Variants in LSM14B observed in about 807,000 individuals in gnomAD.
LSM14B encodes LSM family member 14B.
In LSM14B, 8 loss-of-function variants were observed where a neutral mutation model predicts 42.1. The observed-to-expected ratio is 0.19, with a 90% CI of 0.11 to 0.34. The LOEUF (loss-of-function observed/expected upper bound fraction) is 0.34. Among genes scored for constraint, LSM14B ranks in the 10% least tolerant of loss-of-function variants. LSM14B has a pLI of 1.00. For missense variants in LSM14B, 396 were observed against 513.1 expected (o/e 0.77, Z 2.21); for synonymous variants, 219 against 209.7 (o/e 1.04, Z -0.38).
chr20:62,133,958 G>T (rs1262552720), intron 8 of LSM14B, among the ~76,000 whole-genome samples: 1 of 152,226 alleles, frequency 6.6e-6, no homozygotes, highest in African/African-American at 2.4e-5. Context: ...GTGGGCCCTG[G>T]AAAGACTAGC....
At position 62,134,837 on chromosome 20, in the gene LSM14B, TG is replaced by T. The variant is rs2056862522; in HGVS notation, c.*690del. The T allele has an allele frequency of 6.5e-6, 1 of 154,578 alleles. No individual in the cohort carries two copies. Among genetic ancestry groups the T allele is most frequent in the Non-Finnish European group, 1.4e-5 (1 of 69,710 alleles). The allele number at this position is 154,578 out of a possible 1,614,324, so 9.6% of individuals were successfully genotyped here. ...CCCTGGACGCTAGCCACGGAGCTGCTGCACAGAGCCTGGTGTCCACAAGCTT... is the reference window on the plus strand; with the variant it reads ...CCCTGGACGCTAGCCACGGAGCTGCTCACAGAGCCTGGTGTCCACAAGCTT... On this transcript the variant is annotated 3_prime_UTR_variant, in exon 9 of 9. Coordinates refer to ENST00000279068, the MANE Select transcript of LSM14B (RefSeq NM_144703.3).
In LSM14B at chr20:62,130,441, T is replaced by TG; in HGVS notation, c.674-84dup. The TG allele has an allele frequency of 6.4e-6, 10 of 1,553,202 alleles. No individual in the cohort carries two copies. Among genetic ancestry groups the TG allele is most frequent in the Non-Finnish European group, 8.7e-6 (10 of 1,144,976 alleles). On this transcript the variant is annotated intron_variant, in intron 5 of 8. Coordinates refer to ENST00000279068, the MANE Select transcript of LSM14B (RefSeq NM_144703.3). The surrounding 1 kb of genome is among the most constrained non-coding windows in gnomAD (Gnocchi z 4.1). The stretch of plus-strand genomic sequence containing the variant: ...GTGTGCTCTGTTCCTTCTGTGGCCT[T>TG]GGGGGTGTGCCTGGAAATTCCTTGT...
At position 62,122,965 on chromosome 20, in the gene LSM14B, C is replaced by T. The variant is rs994300417; in HGVS notation, c.127+172C>T. 1.1e-4 allele frequency among the ~76,000 whole-genome samples: 16 copies of T among 151,888 alleles called. No homozygotes were observed. Among genetic ancestry groups the T allele is most frequent in the Non-Finnish European group, 1.8e-4 (12 of 67,904 alleles). On this transcript the variant is annotated intron_variant, in intron 1 of 8. Coordinates refer to ENST00000279068, the MANE Select transcript of LSM14B (RefSeq NM_144703.3). The surrounding 1 kb of genome is among the most constrained non-coding windows in gnomAD (Gnocchi z 4.6). Reference sequence around the variant, plus strand: ...CTGCCCGCGCCTTCACCCCGGACGCCCCCGAGGCGCCCCCTTCCCGCGCGC... The same window carrying T: ...CTGCCCGCGCCTTCACCCCGGACGCTCCCGAGGCGCCCCCTTCCCGCGCGC...
At chr20:62,126,978 C>G (rs1444766106) in intron 3 of LSM14B, among the ~76,000 whole-genome samples, 2 of 152,088 alleles carry the variant, frequency 1.3e-5, no homozygotes, top group African/African-American at 4.8e-5. Context: ...GCCTGAGCGG[C>G]ACAGTGAGAC....
intron 3 of LSM14B, chr20:62,129,135 C>T: frequency 1.9e-6 from 1 of 531,948 alleles, no homozygotes; most frequent in South Asian, 1.9e-5. Flanking sequence ...GGCATAGCCC[C>T]TTGCCAAAGG....
chr20:62,124,262 T>A (rs1052879011), intron 1 of LSM14B, among the ~76,000 whole-genome samples: 2 of 152,260 alleles, frequency 1.3e-5, no homozygotes, highest in African/African-American at 4.8e-5. Context: ...GCCGGCTGGC[T>A]GTTGGATCTA....
intron 3 of LSM14B, chr20:62,127,503 C>A: frequency 9.8e-7 from 1 of 1,019,196 alleles, no homozygotes; most frequent in South Asian, 1.4e-5. Context: ...TGGCTCTTTC[C>A]AAGCTTGCTA....
Position 62,130,198 on chromosome 20 carries a change from C to G in LSM14B, c.596-21C>G. 6.3e-7 allele frequency: 1 copy of G among 1,580,256 alleles called. No homozygotes were observed. The highest frequency in any genetic ancestry group is 8.6e-7 in the Non-Finnish European group (1 of 1,163,366). ...CGGCTGCTATAGGAGCTTTGCCTTA[C>G]TCTTCCCTTTTGCGCCGTAGATGTA... On this transcript the variant is annotated intron_variant, in intron 4 of 8. Coordinates refer to ENST00000279068, the MANE Select transcript of LSM14B (RefSeq NM_144703.3). The surrounding 1 kb of genome is among the most constrained non-coding windows in gnomAD (Gnocchi z 4.1).
rs1362290465 is a variant in LSM14B at position 62,126,429 on chromosome 20, C to T, written c.417C>T (p.Ser139=). ...TGCTCAGCCAGCAGTATGCCGCCTC[C>T]CTGGGTCTAGGTGAGTGACCTGTTT... The part of the protein sequence containing the change: ...SSLLSQQYAA[S]LGLGAGFPSI... Residue 139 remains serine, a synonymous_variant, in exon 3 of 9, where the codon TCC becomes TCT. Transcript: ENST00000279068. 1 of 1,609,264 alleles carries T rather than the reference C, an allele frequency of 6.2e-7. No homozygotes were observed. The highest frequency in any genetic ancestry group is 1.3e-5 in the African/African-American group (1 of 75,022).
chr20:62,133,644 T>TG (rs1264517578), intron 8 of LSM14B, among the ~76,000 whole-genome samples, 169 bp downstream of exon 8: 6 of 152,174 alleles, frequency 3.9e-5, no homozygotes, highest in Admixed American at 1.3e-4. Flanking sequence ...GGGAGGCTCT[T>TG]GGCCAACTTC....
rs572278802 is a variant in LSM14B, at chr20:62,130,911, G to T, written c.835+220G>T. Among the ~76,000 whole-genome samples, 93 of 152,306 alleles carry T rather than the reference G, an allele frequency of 6.1e-4. No individual in the cohort carries two copies. The highest frequency in any genetic ancestry group is 2.0e-3 in the African/African-American group (84 of 41,554). ...ATCCAAAAATTAGCCAGGCGTGGTG[G>T]TGGGCGCCTGTAATCCCAGCTACTC... On this transcript the variant is annotated intron_variant, in intron 6 of 8. Coordinates refer to ENST00000279068, the MANE Select transcript of LSM14B (RefSeq NM_144703.3). This position sits in a 1 kb window ranked among gnomAD's most constrained non-coding sequence, Gnocchi z 4.1.
In LSM14B at chr20:62,122,638, C is replaced by G; in HGVS notation, c.-29C>G. ...GCCGCGGCCCGGCGCTCCTTCCCCACCGCGGCCCGACGCACCCCGGCCGCC... is the reference window on the plus strand; with the variant it reads ...GCCGCGGCCCGGCGCTCCTTCCCCAGCGCGGCCCGACGCACCCCGGCCGCC... On this transcript the variant is annotated 5_prime_UTR_variant, in exon 1 of 9. Coordinates refer to ENST00000279068, the MANE Select transcript of LSM14B (RefSeq NM_144703.3). The surrounding 1 kb of genome is among the most constrained non-coding windows in gnomAD (Gnocchi z 4.6). 1.5e-6 allele frequency: 2 copies of G among 1,326,704 alleles called. No individual in the cohort carries two copies. Among genetic ancestry groups the G allele is most frequent in the Non-Finnish European group, 2.0e-6 (2 of 1,014,478 alleles). 82.2% of individuals were successfully genotyped at this position (1,326,704 alleles called of 1,614,324 possible).
chr20:62,125,160 T>G (rs1332718592), intron 2 of LSM14B, among the ~76,000 whole-genome samples: 1 of 152,352 alleles, frequency 6.6e-6, no homozygotes, highest in Middle Eastern at 3.4e-3. Context: ...ATTACAGGCG[T>G]GAGCCACCAC....
intron 2 of LSM14B, 139 bp from the exon 3 acceptor site, chr20:62,126,165 C>A: frequency 7.7e-7 from 1 of 1,296,562 alleles, no homozygotes; most frequent in Non-Finnish European, 1.1e-6. Flanking sequence ...GAAACTTGCA[C>A]CCCAAGGGCT....
intron 1 of LSM14B, among the ~76,000 whole-genome samples, chr20:62,123,718 A>C (rs1003871182): frequency 2.0e-5 from 3 of 152,352 alleles, no homozygotes; most frequent in Admixed American, 1.3e-4. Context: ...TGAAGTGTCT[A>C]GACGCGTCTG....
At position 62,129,876 on chromosome 20, in the gene LSM14B, G is replaced by A; in HGVS notation, c.519G>A (p.Lys173=). The A allele has an allele frequency of 3.7e-6, 6 of 1,613,284 alleles. No homozygotes were observed. Among genetic ancestry groups the A allele is most frequent in the Non-Finnish European group, 5.1e-6 (6 of 1,179,700 alleles). ...TGSADNLNAK[K]LLPGKGTTGT... ...CTGCTGACAACCTGAATGCTAAAAAGCTGTTACCTGGCAAGGGCACCACAG... is the reference window on the plus strand; with the variant it reads ...CTGCTGACAACCTGAATGCTAAAAAACTGTTACCTGGCAAGGGCACCACAG... Residue 173 remains lysine, a synonymous_variant, in exon 4 of 9, where the codon AAG becomes AAA. Transcript: ENST00000279068.
intron 3 of LSM14B, chr20:62,127,926 T>C (rs1270178732): frequency 4.0e-5 from 27 of 671,104 alleles, no homozygotes. Context: ...TCTCCCTGGG[T>C]CCAGGTTCTC....
At chr20:62,123,662 A>G (rs921398129) in intron 1 of LSM14B, among the ~76,000 whole-genome samples, 2 of 152,186 alleles carry the variant, frequency 1.3e-5, no homozygotes, top group Non-Finnish European at 2.9e-5. Context: ...ACGTCTGCCT[A>G]AGCCCGTGTG....
chr20:62,127,600 C>T (rs773653922), intron 3 of LSM14B: 2 of 1,550,920 alleles, frequency 1.3e-6, no homozygotes, highest in Non-Finnish European at 8.7e-7. Context: ...TTGGTAAGCC[C>T]TCCAGCCTCA....
Sources: gnomAD v4.1 joint callset for allele counts (sites outside exome capture counted in the v4.1 genomes callset) on GRCh38, gnomAD v4.1.1 for gene constraint, Gnocchi (gnomAD v3.1) non-coding constraint, MANE v1.5 for transcripts, NCBI Gene and HGNC (gene_info 2026-07-23, HGNC 2026-07-21) for gene names.